Variants in CCHCR1 observed in about 807,000 individuals in gnomAD.
CCHCR1 encodes the protein coiled-coil alpha-helical rod protein 1, also known as HCR (a-helix coiled-coil rod homologue).
In CCHCR1, 91 loss-of-function variants were observed where a neutral mutation model predicts 114.6. The ratio of observed to expected loss-of-function variants is 0.79; its 90% CI spans 0.67 to 0.94. The LOEUF (loss-of-function observed/expected upper bound fraction) is 0.94, where lower values mean the gene tolerates loss of function less well. Ranked by LOEUF, CCHCR1 falls within the 40% of genes least tolerant of loss-of-function variation. CCHCR1 has a pLI of 0.00. For missense variants in CCHCR1, 899 were observed against 1,079.9 expected, an observed-to-expected ratio of 0.83 and a Z score of 2.35; for synonymous variants, 379 against 428.5, an observed-to-expected ratio of 0.88 and a Z score of 1.43.
At chr6:31,156,687 C>G (rs765062778) in intron 3 of CCHCR1, 44 bp downstream of exon 3, 1 of 1,523,986 alleles carries the variant, frequency 6.6e-7, no homozygotes, top group African/African-American at 1.4e-5. Flanking sequence ...GAGGAAGGGT[C>G]ACTAGCAAGC....
At chr6:31,148,202 C>T (rs1003366615) in intron 10 of CCHCR1, among the ~76,000 whole-genome samples, 2 of 152,174 alleles carry the variant, frequency 1.3e-5, no homozygotes, top group African/African-American at 4.8e-5. Flanking sequence ...AAATTCATAA[C>T]AAGCAATCAG....
In CCHCR1 at chr6:31,150,590, T is replaced by C. The variant is rs1421711372; in HGVS notation, c.1102-25A>G. 4.4e-6 allele frequency: 7 copies of C among 1,602,400 alleles called. No homozygotes were observed. Among genetic ancestry groups the C allele is most frequent in the Non-Finnish European group, 6.0e-6 (7 of 1,173,278 alleles). On this transcript the variant is annotated intron_variant, in intron 6 of 17. Transcript: ENST00000396268. The surrounding 1 kb of genome is among the most constrained non-coding windows in gnomAD (Gnocchi z 5.3). ...GCTGCGGGCAGAGGAAAGCAGCCCC[T>C]CTGTAGGGCCTCCATGCCGCCTTAG...
chr6:31,143,510 T>G lies in CCHCR1; in HGVS notation c.2168-97A>C. ...GGAACAAACGCTGGGTCACCAACTCTGTGGCTTGGGGAGGCTGTTCTGCTC... is the reference window on the plus strand; with the variant it reads ...GGAACAAACGCTGGGTCACCAACTCGGTGGCTTGGGGAGGCTGTTCTGCTC... On this transcript the variant is annotated intron_variant, in intron 15 of 17. Coordinates refer to ENST00000396268, the MANE Select transcript of CCHCR1 (RefSeq NM_001105564.2). This position sits in a 1 kb window ranked among gnomAD's most constrained non-coding sequence, Gnocchi z 5.3. 8 of 1,356,088 alleles carry G rather than the reference T, an allele frequency of 5.9e-6. No homozygotes were observed. The highest frequency in any genetic ancestry group is 8.1e-6 in the Non-Finnish European group (8 of 985,710). 84.0% of individuals were successfully genotyped at this position (1,356,088 alleles called of 1,614,324 possible). A position where few individuals can be genotyped will look rare whatever the true frequency, so the allele number is the denominator to read the frequency against.
In CCHCR1 at chr6:31,150,362, G is replaced by T; in HGVS notation, c.1212+93C>A. On this transcript the variant is annotated intron_variant, in intron 7 of 17. Coordinates refer to ENST00000396268, the MANE Select transcript of CCHCR1 (RefSeq NM_001105564.2). This position sits in a 1 kb window ranked among gnomAD's most constrained non-coding sequence, Gnocchi z 5.3. ...GAAGGAGATCTAAGCAGGTTCTGGG[G>T]CACATTGACCCCTCCTGCCCACAGG... is the stretch of plus-strand genomic sequence containing the variant. 1 of 1,339,144 alleles carries T rather than the reference G, an allele frequency of 7.5e-7. No homozygotes were observed. The highest frequency in any genetic ancestry group is 1.1e-6 in the Non-Finnish European group (1 of 948,170). The allele number at this position is 1,339,144 out of a possible 1,614,324, so 83.0% of individuals were successfully genotyped here.
At chr6:31,148,070 T>C (rs915097695) in intron 10 of CCHCR1, among the ~76,000 whole-genome samples, 1 of 152,078 alleles carries the variant, frequency 6.6e-6, no homozygotes, top group Non-Finnish European at 1.5e-5. Flanking sequence ...GTGTCTACAC[T>C]CTCCATCCTT....
chr6:31,148,683 C>G lies in CCHCR1; in HGVS notation c.1408G>C (p.Ala470Pro), dbSNP rs777448986. The change falls in exon 9 of 18, where the codon GCC becomes CCC. Residue 470 changes from alanine (A) to proline (P), a missense_variant. Physicochemically the swap from Ala to Pro is conservative, Grantham distance 27. Transcript: ENST00000396268. ...TCCTGCAGGGATCGCTGCAGGATGG[C>G]CTGCTCCTGGCTCTGGGATGTCACT... ...EKVTSQSQEQ[A>P]ILQRSLQDKA... The G allele has an allele frequency of 6.2e-7, 1 of 1,612,884 alleles. No homozygotes were observed. Among genetic ancestry groups the G allele is most frequent in the Non-Finnish European group, 8.5e-7 (1 of 1,179,992 alleles).
At chr6:31,146,413 C>A (rs1229121468) in intron 10 of CCHCR1, among the ~76,000 whole-genome samples, 1 of 152,188 alleles carries the variant, frequency 6.6e-6, no homozygotes, top group Non-Finnish European at 1.5e-5. Context: ...CAATGACGGG[C>A]AGGTCCACAT....
chr6:31,152,985 C>A (rs1158622455), intron 4 of CCHCR1, among the ~76,000 whole-genome samples: 1 of 152,002 alleles, frequency 6.6e-6, no homozygotes, highest in Non-Finnish European at 1.5e-5. Context: ...TCCTATTCAG[C>A]ACAAACGGTA....
Position 31,145,192 on chromosome 6 carries a change from T to C in CCHCR1, c.1850A>G (p.Gln617Arg). Residue 617 changes from glutamine (Q) to arginine (R), a missense_variant, in exon 13 of 18, where the codon CAG becomes CGG. By Grantham distance (43) the Gln-to-Arg change is conservative (BLOSUM62 1). Coordinates refer to ENST00000396268, the MANE Select transcript of CCHCR1 (RefSeq NM_001105564.2). The stretch of plus-strand genomic sequence containing the variant: ...TTGCTCCCGAGCCCGGCCCACCTCC[T>C]GCTGGATGAGGCGGGCACTCAGCTG... ...ELQLSARLIQ[Q>R]EVGRAREQGE... The C allele has an allele frequency of 2.5e-6, 4 of 1,613,184 alleles. No individual in the cohort carries two copies. The highest frequency in any genetic ancestry group is 3.4e-6 in the Non-Finnish European group (4 of 1,180,032).
chr6:31,155,220 C>G (rs2073716), intron 3 of CCHCR1, among the ~76,000 whole-genome samples: 10,236 of 152,128 alleles, frequency 0.067, 535 homozygotes, highest in East Asian at 0.17. Context: ...CTTCTCAATT[C>G]TAATTTAAGG....
rs1561811812 is a variant in CCHCR1, at chr6:31,150,512, C to T, written c.1155G>A (p.Val385=). 1.2e-6 allele frequency: 2 copies of T among 1,612,694 alleles called. No individual in the cohort carries two copies. Among genetic ancestry groups the T allele is most frequent in the Non-Finnish European group, 1.7e-6 (2 of 1,179,956 alleles). Residue 385 remains valine (V), a synonymous_variant, in exon 7 of 18, where the codon GTG becomes GTA. Transcript: ENST00000396268. The surrounding 1 kb of genome is among the most constrained non-coding windows in gnomAD (Gnocchi z 5.3). ...GGATGTGTGTGAGGCTCTGCACCCG[C>T]ACCTGCAGCAGCTCCGCGGTGGCAT... ...SLHATAELLQ[V]RVQSLTHILA...
In CCHCR1 at chr6:31,154,959, A is replaced by G. The variant is rs977825937; in HGVS notation, c.498-160T>C. On this transcript the variant is annotated intron_variant, in intron 3 of 17. Coordinates refer to ENST00000396268, the MANE Select transcript of CCHCR1 (RefSeq NM_001105564.2). This position sits in a 1 kb window ranked among gnomAD's most constrained non-coding sequence, Gnocchi z 4.1. ...GGGGTATGGGGATGTCTGCATTGAC[A>G]TCATCATCATTCATCAAAGCCCTAT... Among the ~76,000 whole-genome samples the G allele has an allele frequency of 5.0e-4, 76 of 152,104 alleles. No homozygotes were observed. Among genetic ancestry groups the G allele is most frequent in the African/African-American group, 1.7e-3 (72 of 41,414 alleles).
In CCHCR1 at chr6:31,150,154, C is replaced by A. The variant is rs1341333015; in HGVS notation, c.1274G>T (p.Arg425Leu). The A allele has an allele frequency of 6.2e-7, 1 of 1,614,148 alleles. No individual in the cohort carries two copies. Among genetic ancestry groups the A allele is most frequent in the Admixed American group, 1.7e-5 (1 of 60,022 alleles). Residue 425 changes from arginine to leucine, a missense_variant, in exon 8 of 18, where the codon CGC (arginine) becomes CTC (leucine). Coordinates refer to ENST00000396268, the MANE Select transcript of CCHCR1 (RefSeq NM_001105564.2). This position sits in a 1 kb window ranked among gnomAD's most constrained non-coding sequence, Gnocchi z 5.3. ...FTRKCQSLLN[R>L]WREKVFALMV... ...GAGGGCAAACACCTTCTCCCGCCAG[C>A]GGTTCAGCAGGGACTGGCACTTCCT...
chr6:31,149,804 A>G (rs12661456), intron 8 of CCHCR1: 3 of 467,682 alleles, frequency 6.4e-6, no homozygotes, highest in Non-Finnish European at 1.1e-5. Flanking sequence ...GGAGTTCAAG[A>G]CCAAAGTGAT....
chr6:31,142,813 G>C, intron 17 of CCHCR1, 97 bp from the exon 18 acceptor site: 1 of 1,533,466 alleles, frequency 6.5e-7, no homozygotes, highest in Non-Finnish European at 8.9e-7. Context: ...ATGGGAGAGA[G>C]GAGGCTCTTT....
In CCHCR1 at chr6:31,148,075, A is replaced by G. The variant is rs190714909; in HGVS notation, c.1580+330T>C. On this transcript the variant is annotated intron_variant, in intron 10 of 17. Transcript: ENST00000396268. ...GGAAGATGAAGTGTCTACACTCTCC[A>G]TCCTTGAACAATACTGCAAGTAAAG... Among the ~76,000 whole-genome samples the G allele has an allele frequency of 3.4e-3, 515 of 152,308 alleles. 5 individuals are homozygous for G. Among genetic ancestry groups the G allele is most frequent in the Middle Eastern group, 0.027 (8 of 294 alleles).
rs1281425520 is a variant in CCHCR1 at position 31,144,772 on chromosome 6, C to T, written c.2082G>A (p.Val694=). 1 of 1,614,086 alleles carries T rather than the reference C, an allele frequency of 6.2e-7. No individual in the cohort carries two copies. The highest frequency in any genetic ancestry group is 1.1e-5 in the South Asian group (1 of 91,074). The change falls in exon 15 of 18, where the codon GTG becomes GTA. Residue 694 remains valine (V), a synonymous_variant. Transcript: ENST00000396268. The surrounding 1 kb of genome is among the most constrained non-coding windows in gnomAD (Gnocchi z 4.6). ...ELYGQALQEK[V]AEVETRLREQ... ...CCCGCAGCCGAGTTTCCACTTCAGC[C>T]ACCTTTTCTTGCAGGGCTGGGGTGA...
rs1439279526 is a variant in CCHCR1, at chr6:31,143,351, T to C, written c.2230A>G (p.Arg744Gly). 1.9e-6 allele frequency: 3 copies of C among 1,612,960 alleles called. No homozygotes were observed. Among genetic ancestry groups the C allele is most frequent in the South Asian group, 1.1e-5 (1 of 91,088 alleles). Reference sequence around the variant, plus strand: ...TTCCGGGCCTCCTCCTGCAGACGCCTGAGTTCCTGGCTCCGCTCCTTTTCC... The same window carrying C: ...TTCCGGGCCTCCTCCTGCAGACGCCCGAGTTCCTGGCTCCGCTCCTTTTCC... ...AQEKERSQEL[R>G]RLQEEARKEE... The change falls in exon 16 of 18, where the codon AGG becomes GGG. Residue 744 changes from arginine to glycine, a missense_variant. Transcript: ENST00000396268. This position sits in a 1 kb window ranked among gnomAD's most constrained non-coding sequence, Gnocchi z 5.3.
rs1165145831 is a variant in CCHCR1, at chr6:31,145,457, C to T, written c.1730G>A (p.Arg577His). The T allele has an allele frequency of 3.1e-6, 5 of 1,613,982 alleles. No homozygotes were observed. The highest frequency in any genetic ancestry group is 2.7e-5 in the African/African-American group (2 of 74,862). Residue 577 changes from arginine to histidine, a missense_variant, in exon 12 of 18, where the codon CGC (arginine) becomes CAC (histidine). Physicochemically the swap from Arg to His is conservative, Grantham distance 29 (BLOSUM62 0). Transcript: ENST00000396268. Reference protein sequence around the residue: ...IARKLALAQLRQESCPLPPPV... With the variant: ...IARKLALAQLHQESCPLPPPV... ...AGTGCCCAAACTTCACCTCTCCTGG[C>T]GCAGCTGAGCAAGGGCAAGCTTTCG...
Sources: gnomAD v4.1 joint callset for allele counts (sites outside exome capture counted in the v4.1 genomes callset) on GRCh38, gnomAD v4.1.1 for gene constraint, Gnocchi (gnomAD v3.1) non-coding constraint, MANE v1.5 for transcripts, NCBI Gene and HGNC (gene_info 2026-07-23, HGNC 2026-07-21) for gene names.